The following GIGYF2 variants were observed in gnomAD, a reference collection of about 807,000 sequenced individuals.
The protein encoded by GIGYF2 is GRB10-interacting GYF protein 2.
In GIGYF2, 25 loss-of-function variants were observed where a neutral mutation model predicts 208.1. The ratio of observed to expected loss-of-function variants is 0.12; its 90% CI spans 0.09 to 0.17. GIGYF2 has a LOEUF of 0.17. Among genes scored for constraint, GIGYF2 ranks in the 10% least tolerant of loss-of-function variants. The pLI, the probability that GIGYF2 is intolerant of heterozygous loss-of-function variation, is 1.00. For synonymous variants in GIGYF2, 534 were observed against 543.8 expected, an observed-to-expected ratio of 0.98 and a Z score of 0.25; for missense variants, 1,302 against 1,579.4, an observed-to-expected ratio of 0.82 and a Z score of 2.98.
At chr2:232,825,067 C>G (rs915051970) in intron 21 of GIGYF2, among the ~76,000 whole-genome samples, 1 of 152,214 alleles carries the variant, frequency 6.6e-6, no homozygotes, top group African/African-American at 2.4e-5. Flanking sequence ...CAAAATATTA[C>G]TGCTCATTGA....
intron 2 of GIGYF2, chr2:232,734,583 G>C (rs1406807691): frequency 6.6e-6 from 1 of 152,468 alleles, no homozygotes; most frequent in African/African-American, 2.4e-5. Flanking sequence ...GATCACTTGA[G>C]GTCAGGCCAA....
intron 12 of GIGYF2, among the ~76,000 whole-genome samples, chr2:232,792,421 A>T (rs565132224): frequency 3.3e-5 from 5 of 152,204 alleles, no homozygotes; most frequent in Non-Finnish European, 7.3e-5. Flanking sequence ...AATGTCTAGA[A>T]CAAAGCTGAT....
chr2:232,834,275 A>G (rs1245968022), intron 22 of GIGYF2, among the ~76,000 whole-genome samples: 1 of 152,170 alleles, frequency 6.6e-6, no homozygotes, highest in Non-Finnish European at 1.5e-5. Context: ...GAGAGGTGGC[A>G]TGGAGTCAGT....
intron 6 of GIGYF2, among the ~76,000 whole-genome samples, chr2:232,756,967 T>C (rs1047133917): frequency 2.0e-5 from 3 of 152,264 alleles, no homozygotes; most frequent in Admixed American, 6.5e-5. Context: ...GTAATATGAA[T>C]ATTTGCTTAA....
rs192600333 is a variant in GIGYF2 at position 232,770,605 on chromosome 2, T to C, written c.532+9169T>C. On this transcript the variant is annotated intron_variant, in intron 8 of 28. Transcript: ENST00000373563. ...TGAAAACCTCCTTTTAAACCTTTTG[T>C]TAATTTTTTTTTTTTGATATGGGAT... Among the ~76,000 whole-genome samples, 364 of 99,012 alleles carry C rather than the reference T, an allele frequency of 3.7e-3. 4 individuals carry two copies. The highest frequency in any genetic ancestry group is 5.5e-3 in the Non-Finnish European group (232 of 42,434). 65.0% of individuals were successfully genotyped at this position (99,012 alleles called of 152,430 possible).
intron 2 of GIGYF2, among the ~76,000 whole-genome samples, chr2:232,723,096 G>T (rs1230619199): frequency 6.6e-6 from 1 of 152,106 alleles, no homozygotes; most frequent in African/African-American, 2.4e-5. Context: ...GGGATTCCTG[G>T]CATGGACATT....
rs1701604608 is a variant in GIGYF2 at position 232,836,294 on chromosome 2, ATATATATATATATATATATATATATATAT to A, written c.2766+3202_2766+3230del. Among the ~76,000 whole-genome samples the A allele has an allele frequency of 7.8e-5, 2 of 25,588 alleles. 1 individual carries two copies. Among genetic ancestry groups the A allele is most frequent in the Non-Finnish European group, 1.4e-4 (2 of 13,868 alleles). The allele number at this position is 25,588 out of a possible 152,430, so 16.8% of individuals were successfully genotyped here. A position where few individuals can be genotyped will look rare whatever the true frequency, so the allele number is the denominator to read the frequency against. The stretch of plus-strand genomic sequence containing the variant: ...TATATATATATATATATATATATAT[ATATATATATATATATATATATATATATAT>A]ATATATACATATATATACTTATATA... On this transcript the variant is annotated intron_variant, in intron 22 of 28. Transcript: ENST00000373563.
chr2:232,811,769 G>T (rs909591394), intron 17 of GIGYF2, among the ~76,000 whole-genome samples: 19 of 152,206 alleles, frequency 1.2e-4, no homozygotes, highest in Admixed American at 4.6e-4. Flanking sequence ...TATGCTAGAA[G>T]TCTAGAAGAA....
chr2:232,787,052 C>T lies in GIGYF2; in HGVS notation c.533-98C>T, dbSNP rs1053839444. 6 of 825,930 alleles carry T rather than the reference C, an allele frequency of 7.3e-6. No homozygotes were observed. In the African/African-American group the frequency reaches 8.5e-5, roughly 12 times the overall value. 51.2% of individuals were successfully genotyped at this position (825,930 alleles called of 1,614,324 possible). On this transcript the variant is annotated intron_variant, in intron 8 of 28. Transcript: ENST00000373563. ...ATTTTTTTCTGAATATTGAAATGGA[C>T]CCATTTGCAGGAAAGCTTGATTTGA...
intron 8 of GIGYF2, among the ~76,000 whole-genome samples, chr2:232,769,230 A>G (rs1419307680): frequency 6.6e-6 from 1 of 152,170 alleles, no homozygotes; most frequent in East Asian, 1.9e-4. Flanking sequence ...GAGGGGACCA[A>G]TAGAATGAGT....
chr2:232,787,917 T>C (rs1336021866), intron 9 of GIGYF2, among the ~76,000 whole-genome samples: 1 of 152,250 alleles, frequency 6.6e-6, no homozygotes, highest in East Asian at 1.9e-4. Flanking sequence ...TTAAAAATGC[T>C]CAAACTGTTC....
chr2:232,856,739 T>G (rs537152372), intron 28 of GIGYF2, 54 bp from the exon 29 acceptor site: 8 of 1,062,778 alleles, frequency 7.5e-6, no homozygotes, highest in African/African-American at 6.2e-5. Context: ...GCCTAGAATT[T>G]GAGCCGCTTG....
At chr2:232,854,029 C>T (rs1690457104) in intron 28 of GIGYF2, among the ~76,000 whole-genome samples, 1 of 152,204 alleles carries the variant, frequency 6.6e-6, no homozygotes, top group Admixed American at 6.5e-5. Context: ...TTTTAAATTA[C>T]ACTTCCACTT....
chr2:232,823,213 A>G (rs1391823089), intron 21 of GIGYF2, among the ~76,000 whole-genome samples: 1 of 152,024 alleles, frequency 6.6e-6, no homozygotes, highest in Non-Finnish European at 1.5e-5. Context: ...CTGGATTACC[A>G]CCCTACTTGA....
intron 8 of GIGYF2, among the ~76,000 whole-genome samples, chr2:232,786,846 A>G (rs1699926555): frequency 1.3e-5 from 2 of 152,138 alleles, no homozygotes; most frequent in South Asian, 4.1e-4. Flanking sequence ...AAACTTGGTG[A>G]TGGTTCCTTC....
Position 232,717,899 on chromosome 2 carries a change from C to T in GIGYF2, c.-44+14410C>T, listed in dbSNP as rs1381060395. ...CCAGACACCTCCCATTAGACCTCAC[C>T]TCCAGCATCTGTGATCAGATTTCAA... On this transcript the variant is annotated intron_variant, in intron 2 of 28. Transcript: ENST00000373563. 1.3e-5 allele frequency among the ~76,000 whole-genome samples: 2 copies of T among 152,086 alleles called. 1 individual carries two copies. The highest frequency in any genetic ancestry group is 2.9e-5 in the Non-Finnish European group (2 of 68,000).
intron 26 of GIGYF2, 34 bp downstream of exon 26, chr2:232,845,920 A>G: frequency 7.1e-7 from 1 of 1,414,436 alleles, no homozygotes. Context: ...GGCATGTGGA[A>G]TGACAGAGCA....
chr2:232,853,951 T>C (rs921366666), intron 28 of GIGYF2, among the ~76,000 whole-genome samples: 1 of 152,214 alleles, frequency 6.6e-6, no homozygotes, highest in South Asian at 2.1e-4. Context: ...ATAATTAACA[T>C]ATTAATCAAC....
chr2:232,854,584 A>C (rs1267128063), intron 28 of GIGYF2, among the ~76,000 whole-genome samples: 1 of 152,136 alleles, frequency 6.6e-6, no homozygotes, highest in Non-Finnish European at 1.5e-5. Flanking sequence ...ATTGGAACAC[A>C]GTTGATGGGG....
Sources: allele counts gnomAD v4.1 joint callset (sites outside exome capture counted in the v4.1 genomes callset), GRCh38; gene constraint gnomAD v4.1.1; transcripts MANE v1.5; gene names NCBI Gene and HGNC (gene_info 2026-07-23, HGNC 2026-07-21).